Variants in CTNNA2 observed in about 807,000 individuals in gnomAD.
The protein encoded by CTNNA2 is catenin alpha 2, also known as catenin alpha-2.
CTNNA2 carries 42 observed loss-of-function variants against 101.0 expected under a neutral mutation model. That is an observed-to-expected ratio of 0.42 (90% CI 0.32 to 0.54). The LOEUF (loss-of-function observed/expected upper bound fraction) is 0.54, where lower values mean the gene tolerates loss of function less well. CTNNA2 is among the 20% of genes least tolerant of loss of function. The probability of loss-of-function intolerance (pLI) is 0.14; values close to 1 mark genes in which losing one functional copy is unlikely to be tolerated. For missense variants in CTNNA2, 871 were observed against 1,223.1 expected (o/e 0.71, Z 4.29); for synonymous variants, 450 against 456.4 (o/e 0.99, Z 0.18).
intron 3 of CTNNA2, among the ~76,000 whole-genome samples, chr2:79,838,578 A>G (rs1055964292): frequency 6.6e-6 from 1 of 152,130 alleles, no homozygotes; most frequent in Non-Finnish European, 1.5e-5. Flanking sequence ...TATTATAGGT[A>G]TTGATTCTCA....
chr2:79,797,461 C>G (rs2105281367), intron 3 of CTNNA2, among the ~76,000 whole-genome samples: 1 of 152,032 alleles, frequency 6.6e-6, no homozygotes, highest in East Asian at 1.9e-4. Flanking sequence ...GAGTTCAAGA[C>G]CAGCCTGACC....
chr2:80,419,844 GAAC>G (rs1680365190), intron 9 of CTNNA2, among the ~76,000 whole-genome samples: 1 of 151,604 alleles, frequency 6.6e-6, no homozygotes, highest in Admixed American at 6.6e-5. Flanking sequence ...CATTTTTCCT[GAAC>G]AACAAGCAGG....
At chr2:80,581,507 T>C (rs1318994436) in intron 13 of CTNNA2, among the ~76,000 whole-genome samples, 199 bp from the exon 14 acceptor site, 2 of 152,150 alleles carry the variant, frequency 1.3e-5, no homozygotes, top group Admixed American at 1.3e-4. Context: ...AAATAAAATA[T>C]ATTTTTTAAA....
chr2:80,148,936 T>C (rs1900263), intron 7 of CTNNA2, among the ~76,000 whole-genome samples: 21,830 of 151,842 alleles, frequency 0.14, 3,978 homozygotes, highest in African/African-American at 0.43. Flanking sequence ...TCACCTGATG[T>C]GTCATTAGCA....
chr2:80,326,651 T>TA (rs540164797), intron 7 of CTNNA2, among the ~76,000 whole-genome samples: 20 of 151,468 alleles, frequency 1.3e-4, no homozygotes, highest in African/African-American at 3.6e-4. Context: ...AATTTTTTTT[T>TA]AAAAAAAGAG....
At chr2:79,405,194 T>G (rs1678328413) in intron 4 of CTNNA2, among the ~76,000 whole-genome samples, 1 of 152,066 alleles carries the variant, frequency 6.6e-6, no homozygotes, top group Non-Finnish European at 1.5e-5. Context: ...AGACTCCCTC[T>G]TTCCTCCTGG....
chr2:79,971,679 C>CT (rs1356017175), intron 7 of CTNNA2, among the ~76,000 whole-genome samples: 1 of 152,176 alleles, frequency 6.6e-6, no homozygotes, highest in Non-Finnish European at 1.5e-5. Flanking sequence ...CTATGTTGTA[C>CT]TTTTTTCTTA....
At chr2:80,330,209 A>C (rs1237315305) in intron 7 of CTNNA2, among the ~76,000 whole-genome samples, 1 of 152,268 alleles carries the variant, frequency 6.6e-6, no homozygotes, top group Non-Finnish European at 1.5e-5. Flanking sequence ...GCAAGGTGCC[A>C]AAGGTTTTAC....
chr2:79,237,047 T>C (rs1009015359), intron 2 of CTNNA2, among the ~76,000 whole-genome samples: 2 of 152,250 alleles, frequency 1.3e-5, no homozygotes, highest in Non-Finnish European at 2.9e-5. Context: ...CAGTAGACTT[T>C]CAATTTAGTT....
intron 6 of CTNNA2, among the ~76,000 whole-genome samples, chr2:79,876,830 T>G (rs1434111): frequency 0.83 from 125,763 of 152,114 alleles, 52,195 homozygotes; most frequent in East Asian, 0.95. Flanking sequence ...AGGTTTTTTT[T>G]TTGTTGTTGT....
At chr2:79,223,592 C>A (rs1485784629) in intron 2 of CTNNA2, among the ~76,000 whole-genome samples, 1 of 152,152 alleles carries the variant, frequency 6.6e-6, no homozygotes, top group Non-Finnish European at 1.5e-5. Context: ...AGTAAGACAG[C>A]ACTCCAGGGA....
At chr2:79,281,759 G>A (rs1675391861) in intron 2 of CTNNA2, among the ~76,000 whole-genome samples, 1 of 152,140 alleles carries the variant, frequency 6.6e-6, no homozygotes, top group Non-Finnish European at 1.5e-5. Flanking sequence ...ACCAGGATTA[G>A]CATTTTCTAG....
chr2:80,276,354 G>A (rs114462772), intron 7 of CTNNA2, among the ~76,000 whole-genome samples: 2,270 of 152,214 alleles, frequency 0.015, 29 homozygotes, highest in Non-Finnish European at 0.021. Flanking sequence ...ATTTCTGCCC[G>A]GCTGGATACA....
intron 7 of CTNNA2, among the ~76,000 whole-genome samples, chr2:80,375,767 G>T (rs1461678746): frequency 1.3e-5 from 2 of 151,898 alleles, no homozygotes; most frequent in Admixed American, 6.6e-5. Context: ...GTTTTACTGT[G>T]TTAGCCAGGA....
intron 7 of CTNNA2, among the ~76,000 whole-genome samples, chr2:80,030,054 C>A (rs900106217): frequency 2.0e-5 from 3 of 151,972 alleles, no homozygotes; most frequent in African/African-American, 7.3e-5. Flanking sequence ...AATTGGAAAA[C>A]ACAAGCTGAA....
At chr2:79,628,983 C>T (rs1168091195) in intron 1 of CTNNA2, among the ~76,000 whole-genome samples, 1 of 152,176 alleles carries the variant, frequency 6.6e-6, no homozygotes, top group Non-Finnish European at 1.5e-5. Flanking sequence ...AATGATTTAG[C>T]TCTACTGCTG....
At chr2:80,233,443 C>G (rs1293875689) in intron 7 of CTNNA2, among the ~76,000 whole-genome samples, 1 of 152,158 alleles carries the variant, frequency 6.6e-6, no homozygotes, top group African/African-American at 2.4e-5. Context: ...TCTAAACCTT[C>G]CATCTTATCT....
chr2:80,298,260 C>T (rs1397490969), intron 7 of CTNNA2: 3 of 152,044 alleles, frequency 2.0e-5, no homozygotes, highest in African/African-American at 7.2e-5. Flanking sequence ...TTTTATTTGA[C>T]ATTCTGTCAA....
intron 2 of CTNNA2, among the ~76,000 whole-genome samples, chr2:79,742,806 C>A: frequency 6.6e-6 from 1 of 152,106 alleles, no homozygotes; most frequent in East Asian, 1.9e-4. Flanking sequence ...CTTATAGAAT[C>A]TTTCTTAAAT....
Sources: allele counts gnomAD v4.1 joint callset (sites outside exome capture counted in the v4.1 genomes callset), GRCh38; gene constraint gnomAD v4.1.1; transcripts MANE v1.5; gene names NCBI Gene and HGNC (gene_info 2026-07-23, HGNC 2026-07-21).